Variants in TIAM2 observed in about 807,000 individuals in gnomAD.
The protein encoded by TIAM2 is TIAM Rac1 associated GEF 2.
In TIAM2, 80 loss-of-function variants were observed where a neutral mutation model predicts 152.9. The observed-to-expected ratio is 0.52, with a 90% CI of 0.44 to 0.63. The LOEUF (loss-of-function observed/expected upper bound fraction) is 0.63, where lower values mean the gene tolerates loss of function less well. TIAM2 is among the 30% of genes least tolerant of loss of function. The probability of loss-of-function intolerance (pLI) is 0.00; values close to 1 mark genes in which losing one functional copy is unlikely to be tolerated. For synonymous variants in TIAM2, 804 were observed against 838.0 expected, an observed-to-expected ratio of 0.96 and a Z score of 0.70; for missense variants, 1,965 against 2,120.1, an observed-to-expected ratio of 0.93 and a Z score of 1.44.
intron 5 of TIAM2, among the ~76,000 whole-genome samples, chr6:155,141,327 A>G (rs1206243864): frequency 6.6e-6 from 1 of 152,152 alleles, no homozygotes; most frequent in African/African-American, 2.4e-5. Flanking sequence ...TTCTTGGCTT[A>G]GAATCCAAGT....
At chr6:155,036,118 CCAAA>C (rs1163318639) in intron 1 of TIAM2, among the ~76,000 whole-genome samples, 3 of 151,998 alleles carry the variant, frequency 2.0e-5, no homozygotes, top group South Asian at 2.1e-4. Context: ...AAAAGATACC[CCAAA>C]CAGAGTGGCC....
At chr6:155,235,084 G>T (rs994640144) in intron 15 of TIAM2, among the ~76,000 whole-genome samples, 1 of 152,156 alleles carries the variant, frequency 6.6e-6, no homozygotes, top group Non-Finnish European at 1.5e-5. Flanking sequence ...AGGGGAACGG[G>T]CCCTGTGCCA....
chr6:155,019,836 C>T (rs1225935866), intron 1 of TIAM2, among the ~76,000 whole-genome samples: 5 of 152,106 alleles, frequency 3.3e-5, no homozygotes, highest in South Asian at 2.1e-4. Context: ...GGGCGGATCA[C>T]GAGGTCAAGA....
At position 155,129,672 on chromosome 6, in the gene TIAM2, C is replaced by T. The variant is rs778243801; in HGVS notation, c.449C>T (p.Thr150Ile). The T allele has an allele frequency of 8.7e-6, 14 of 1,614,094 alleles. No homozygotes were observed. The highest frequency in any genetic ancestry group is 1.1e-5 in the Non-Finnish European group (13 of 1,180,028). The change falls in exon 4 of 27, where the codon ACC becomes ATC. Residue 150 changes from threonine to isoleucine, a missense_variant. Coordinates refer to ENST00000682666, the MANE Select transcript of TIAM2 (RefSeq NM_012454.4). This position sits in a 1 kb window ranked among gnomAD's most constrained non-coding sequence, Gnocchi z 4.8. ...CYGRNESIAS[T>I]PPGEDRKSPR... ...GGGAGGAATGAGAGCATTGCCTCCA[C>T]CCCACCGGGCGAAGACCGCAAGAGC... is the stretch of plus-strand genomic sequence containing the variant.
chr6:155,089,368 A>T (rs1160532066), intron 1 of TIAM2, among the ~76,000 whole-genome samples: 5 of 152,180 alleles, frequency 3.3e-5, no homozygotes, highest in African/African-American at 4.8e-5. Flanking sequence ...CACCATATCC[A>T]GCTAATTTTT....
At chr6:155,252,135 C>T (rs1583290764) in intron 23 of TIAM2, 132 bp downstream of exon 23, 1 of 659,964 alleles carries the variant, frequency 1.5e-6, no homozygotes, top group African/African-American at 1.8e-5. Context: ...GTAACTAACC[C>T]CATCACATAC....
intron 15 of TIAM2, among the ~76,000 whole-genome samples, chr6:155,224,607 C>A (rs113232912): frequency 0.012 from 1,835 of 152,284 alleles, 30 homozygotes; most frequent in Non-Finnish European, 0.014. Flanking sequence ...GTTTTAAAGG[C>A]ACCCCCAATT....
At position 155,176,819 on chromosome 6, in the gene TIAM2, G is replaced by A. The variant is rs146936788; in HGVS notation, c.2365G>A (p.Asp789Asn). The A allele has an allele frequency of 1.0e-5, 16 of 1,606,096 alleles. No individual in the cohort carries two copies. In the Middle Eastern group the frequency reaches 5.0e-4, roughly 50 times the overall value. Residue 789 changes from aspartate to asparagine, a missense_variant, in exon 10 of 27, where the codon GAT (aspartate) becomes AAT (asparagine). Transcript: ENST00000682666. ...KEKRPSITQVDELLHIYGSTV... is the reference protein window; with the variant it reads ...KEKRPSITQVNELLHIYGSTV... ...TTCTTTTGGCATCTACAAACAGGTC[G>A]ATGAACTTCTGCATATATATGGTTC... is the stretch of plus-strand genomic sequence containing the variant.
chr6:155,243,585 G>A lies in TIAM2; in HGVS notation c.3349-426G>A, dbSNP rs150180314. ...ACAAAGGCTGGGTGTGGTGGCTCAC[G>A]CCTGTAATGCTAGCACTTTGGGAGG... On this transcript the variant is annotated intron_variant, in intron 16 of 26. Transcript: ENST00000682666. Among the ~76,000 whole-genome samples the A allele has an allele frequency of 5.8e-3, 882 of 152,200 alleles. 12 individuals are homozygous for A. The highest frequency in any genetic ancestry group is 0.02 in the African/African-American group (842 of 41,526).
intron 2 of TIAM2, among the ~76,000 whole-genome samples, chr6:155,114,014 T>TATATATATA (rs1778928701): frequency 8.5e-5 from 5 of 58,850 alleles, no homozygotes; most frequent in African/African-American, 1.3e-4. Flanking sequence ...ATACTTTACT[T>TATATATATA]TATATATATA....
chr6:155,131,345 T>A (rs1423984350), intron 4 of TIAM2, among the ~76,000 whole-genome samples: 12 of 149,174 alleles, frequency 8.0e-5, no homozygotes, highest in Non-Finnish European at 1.8e-4. Flanking sequence ...GACTCTGTCT[T>A]TAAAAAAAAA....
In TIAM2 at chr6:155,256,741, C is replaced by G; in HGVS notation, c.4726C>G (p.Arg1576Gly). ...CCTGAGCGATGAAGATGATGACCAC[C>G]GTCAGACTGTGAAGCAGGGCAGCCC... ...DILSDEDDDH[R>G]QTVKQGSPTK... is the part of the protein sequence containing the mutation. Residue 1576 changes from arginine (R) to glycine (G), a missense_variant, in exon 27 of 27, where the codon CGT (arginine) becomes GGT (glycine). Coordinates refer to ENST00000682666, the MANE Select transcript of TIAM2 (RefSeq NM_012454.4). 6.2e-7 allele frequency: 1 copy of G among 1,614,212 alleles called. No homozygotes were observed. The highest frequency in any genetic ancestry group is 8.5e-7 in the Non-Finnish European group (1 of 1,180,036).
chr6:155,052,694 A>C (rs1198596219), intron 1 of TIAM2, among the ~76,000 whole-genome samples: 1 of 150,728 alleles, frequency 6.6e-6, no homozygotes, highest in African/African-American at 2.4e-5. Flanking sequence ...TGAACCCAGG[A>C]GGTGGAGGTT....
At chr6:155,236,797 G>C (rs1044367802) in intron 15 of TIAM2, among the ~76,000 whole-genome samples, 6 of 152,156 alleles carry the variant, frequency 3.9e-5, no homozygotes, top group African/African-American at 1.4e-4. Context: ...AACAGCATGG[G>C]AAAGGCCCAC....
chr6:155,077,105 A>C (rs1241067195), intron 1 of TIAM2, among the ~76,000 whole-genome samples: 1 of 152,184 alleles, frequency 6.6e-6, no homozygotes, highest in Non-Finnish European at 1.5e-5. Flanking sequence ...AGTTTATTGT[A>C]CATTGGGCTT....
intron 25 of TIAM2, 174 bp downstream of exon 25, chr6:155,254,234 T>C (rs934380087): frequency 5.0e-6 from 5 of 1,006,106 alleles, no homozygotes; most frequent in Non-Finnish European, 1.4e-6. Context: ...TAAATAAATA[T>C]CAAAATCTTA....
intron 1 of TIAM2, among the ~76,000 whole-genome samples, chr6:155,024,711 A>G (rs1451395430): frequency 1.3e-5 from 2 of 151,890 alleles, no homozygotes; most frequent in Non-Finnish European, 2.9e-5. Context: ...AGTAAATGAA[A>G]TCATAGGAGA....
At chr6:155,228,159 A>G (rs1360699481) in intron 15 of TIAM2, among the ~76,000 whole-genome samples, 1 of 152,204 alleles carries the variant, frequency 6.6e-6, no homozygotes, top group Admixed American at 6.5e-5. Context: ...CTGGGTGGAC[A>G]CAGCCTGAAC....
At chr6:155,234,392 G>A (rs6932115) in intron 15 of TIAM2, among the ~76,000 whole-genome samples, 46 of 152,156 alleles carry the variant, frequency 3.0e-4, no homozygotes, top group African/African-American at 1.0e-3. Flanking sequence ...CCTCAGCATC[G>A]TTAGTGGCTG....
Sources: allele counts gnomAD v4.1 joint callset (sites outside exome capture counted in the v4.1 genomes callset), GRCh38; gene constraint gnomAD v4.1.1; non-coding constraint Gnocchi (gnomAD v3.1); transcripts MANE v1.5; gene names NCBI Gene and HGNC (gene_info 2026-07-23, HGNC 2026-07-21).